LIMCH1: variants seen among roughly 807,000 people sequenced by gnomAD.
LIMCH1 encodes LIM and calponin homology domains 1.
In LIMCH1, 113 loss-of-function variants were observed where a neutral mutation model predicts 176.5. The observed-to-expected ratio is 0.64, with a 90% CI of 0.55 to 0.75. The LOEUF is 0.75. LIMCH1 is among the 30% of genes least tolerant of loss of function. The pLI, the probability that LIMCH1 is intolerant of heterozygous loss-of-function variation, is 0.00. For missense variants in LIMCH1, 1,674 were observed against 1,814.9 expected (o/e 0.92, Z 1.41); for synonymous variants, 619 against 645.9 (o/e 0.96, Z 0.63).
At chr4:41,634,886 G>A (rs535795900) in intron 13 of LIMCH1, among the ~76,000 whole-genome samples, 2 of 152,278 alleles carry the variant, frequency 1.3e-5, no homozygotes, top group African/African-American at 2.4e-5. Context: ...GGTGAAGTGG[G>A]TCCTCCACAG....
chr4:41,445,338 A>G (rs1046547188), intron 1 of LIMCH1, among the ~76,000 whole-genome samples: 16 of 152,152 alleles, frequency 1.1e-4, no homozygotes, highest in African/African-American at 3.6e-4. Flanking sequence ...AAGCCTATTT[A>G]TATCTCAAAC....
At chr4:41,483,265 A>G (rs537596762) in intron 1 of LIMCH1, among the ~76,000 whole-genome samples, 21 of 152,224 alleles carry the variant, frequency 1.4e-4, no homozygotes, top group Admixed American at 6.5e-5. Flanking sequence ...ATGAAAAGAT[A>G]GGTGTGGATA....
intron 1 of LIMCH1, among the ~76,000 whole-genome samples, chr4:41,485,745 G>C (rs755343164): frequency 3.7e-4 from 56 of 152,152 alleles, no homozygotes; most frequent in Non-Finnish European, 7.3e-4. Flanking sequence ...ATGGGAGTGG[G>C]AGCGAGGGTC....
At chr4:41,469,825 G>A (rs553942519) in intron 1 of LIMCH1, among the ~76,000 whole-genome samples, 1 of 152,096 alleles carries the variant, frequency 6.6e-6, no homozygotes, top group South Asian at 2.1e-4. Context: ...GGGACTACAG[G>A]TGCCTGCCAC....
chr4:41,430,034 G>A (rs915675837), intron 1 of LIMCH1, among the ~76,000 whole-genome samples: 6 of 152,130 alleles, frequency 3.9e-5, no homozygotes, highest in Admixed American at 6.5e-5. Context: ...TAATGTTCTT[G>A]GAGGAAGGAG....
rs369385067 is a variant in LIMCH1, at chr4:41,480,666, C to T, written c.97-13870C>T. 1.1e-4 allele frequency among the ~76,000 whole-genome samples: 16 copies of T among 152,304 alleles called. No individual in the cohort carries two copies. The East Asian group carries it at 2.9e-3, about 28-fold the overall frequency. On this transcript the variant is annotated intron_variant, in intron 1 of 26. Coordinates refer to the LIMCH1 transcript ENST00000313860. Reference sequence around the variant, plus strand: ...CAACATGATACCCAGGTAACAATAACACTGTGGTCAAAGCACATCTCTGCT... The same window carrying T: ...CAACATGATACCCAGGTAACAATAATACTGTGGTCAAAGCACATCTCTGCT...
intron 1 of LIMCH1, among the ~76,000 whole-genome samples, chr4:41,449,247 C>T (rs1462017522): frequency 6.6e-6 from 1 of 152,118 alleles, no homozygotes; most frequent in East Asian, 1.9e-4. Context: ...TTTTCTCTCC[C>T]GATGACACCC....
At chr4:41,676,855 A>G (rs568581440) in intron 23 of LIMCH1, among the ~76,000 whole-genome samples, 1 of 152,284 alleles carries the variant, frequency 6.6e-6, no homozygotes, top group East Asian at 1.9e-4. Flanking sequence ...ACTTTCTTAA[A>G]TAGAAACTTT....
chr4:41,411,937 A>C (rs1171716809), intron 1 of LIMCH1, among the ~76,000 whole-genome samples: 2 of 129,030 alleles, frequency 1.6e-5, no homozygotes, highest in Non-Finnish European at 3.1e-5. Flanking sequence ...AGCCTAGGCG[A>C]CAGAGCGAGA....
intron 1 of LIMCH1, among the ~76,000 whole-genome samples, chr4:41,428,460 G>A (rs764257006): frequency 6.6e-6 from 1 of 152,210 alleles, no homozygotes; most frequent in Non-Finnish European, 1.5e-5. Flanking sequence ...TTAAGCCCTT[G>A]AAGGGAGGGG....
intron 13 of LIMCH1, among the ~76,000 whole-genome samples, chr4:41,634,350 T>C (rs1323098876): frequency 6.6e-6 from 1 of 152,222 alleles, no homozygotes; most frequent in Non-Finnish European, 1.5e-5. Context: ...TGTCTTGCCA[T>C]TTAATAAAAG....
intron 1 of LIMCH1, among the ~76,000 whole-genome samples, chr4:41,429,490 A>G (rs774547562): frequency 2.0e-5 from 3 of 152,208 alleles, no homozygotes; most frequent in Non-Finnish European, 2.9e-5. Context: ...ATTTGGCAGC[A>G]TGATGCTCTG....
At position 41,538,216 on chromosome 4, in the gene LIMCH1, T is replaced by C. The variant is rs141066866; in HGVS notation, c.-375T>C. On this transcript the variant is annotated 5_prime_UTR_variant, in exon 1 of 32. Coordinates refer to ENST00000503057, the MANE Select transcript of LIMCH1 (RefSeq NM_001330672.2). ...AGCAGGGGTTGGCAGTGGTGACGAC[T>C]GTTTTGGGAAAGGAAATGTAAGGGC... is the stretch of plus-strand genomic sequence containing the variant. 1,385 of 985,594 alleles carry C rather than the reference T, an allele frequency of 1.4e-3. 20 individuals carry two copies. The African/African-American group carries it at 0.021, about 15-fold the overall frequency. 61.1% of individuals were successfully genotyped at this position (985,594 alleles called of 1,614,324 possible).
At chr4:41,534,945 G>C (rs1309930592), upstream of LIMCH1, among the ~76,000 whole-genome samples, 1 of 151,962 alleles carries the variant, frequency 6.6e-6, no homozygotes, top group Non-Finnish European at 1.5e-5. Flanking sequence ...GTGATCGCTT[G>C]AGCCCAGGAG....
intron 13 of LIMCH1, among the ~76,000 whole-genome samples, chr4:41,637,511 C>T (rs1359802463): frequency 3.3e-5 from 5 of 152,206 alleles, no homozygotes; most frequent in African/African-American, 9.6e-5. Context: ...TGTGAAAGAA[C>T]CCACTTGTCA....
intron 1 of LIMCH1, among the ~76,000 whole-genome samples, chr4:41,592,772 T>TAGC (rs2087890362): frequency 6.6e-6 from 1 of 152,206 alleles, no homozygotes. Flanking sequence ...CAAGGACACG[T>TAGC]AGCTAAGAAG....
intron 14 of LIMCH1, 149 bp from the exon 15 acceptor site, chr4:41,644,351 C>T (rs1470559278): frequency 5.5e-6 from 6 of 1,091,338 alleles, no homozygotes; most frequent in Non-Finnish European, 7.4e-6. Context: ...AGGGCCAGAA[C>T]ACACCGCCAG....
chr4:41,497,010 T>C (rs1310241447), intron 2 of LIMCH1, among the ~76,000 whole-genome samples: 2 of 152,226 alleles, frequency 1.3e-5, no homozygotes, highest in Non-Finnish European at 2.9e-5. Flanking sequence ...TCTCTACAAT[T>C]TCAAATTTTG....
rs1309043025 is a variant in LIMCH1, at chr4:41,632,976, G to C, written c.1721-1G>C. On this transcript the variant is annotated splice_acceptor_variant, in intron 11 of 31. Transcript: ENST00000503057. LOFTEE classifies it high-confidence loss of function. ...AGTGAAACTGTCCTCTCTGGCTTTA[G>C]TTACATCCAAACAGCTGCCACAGGA... The C allele has an allele frequency of 3.3e-6, 5 of 1,535,870 alleles. No individual in the cohort carries two copies. Among genetic ancestry groups the C allele is most frequent in the Non-Finnish European group, 3.5e-6 (4 of 1,146,694 alleles).
Sources: allele counts gnomAD v4.1 joint callset (sites outside exome capture counted in the v4.1 genomes callset), GRCh38; gene constraint gnomAD v4.1.1; transcripts MANE v1.5; gene names NCBI Gene and HGNC (gene_info 2026-07-23, HGNC 2026-07-21).